Variants in PRKD2 observed in about 807,000 individuals in gnomAD.
PRKD2 encodes the protein serine/threonine-protein kinase D2.
A neutral mutation model predicts 86.0 loss-of-function variants in PRKD2; 22 were observed. That is an observed-to-expected ratio of 0.26 (90% CI 0.18 to 0.37). The LOEUF is 0.37. Ranked by LOEUF, PRKD2 falls within the 10% of genes least tolerant of loss-of-function variation. PRKD2 has a pLI of 1.00. For missense variants in PRKD2, 818 were observed against 1,199.2 expected (o/e 0.68, Z 4.70); for synonymous variants, 509 against 510.9 (o/e 1.00, Z 0.05).
rs2053162996 is a variant in PRKD2 at position 46,674,391 on chromosome 19, A to T, written c.*132T>A. 3.1e-6 allele frequency: 3 copies of T among 956,278 alleles called. No homozygotes were observed. The highest frequency in any genetic ancestry group is 4.5e-6 in the Non-Finnish European group (3 of 661,910). The allele number at this position is 956,278 out of a possible 1,614,324, so 59.2% of individuals were successfully genotyped here. A position where few individuals can be genotyped will look rare whatever the true frequency, so the allele number is the denominator to read the frequency against. On this transcript the variant is annotated 3_prime_UTR_variant, in exon 18 of 18. Transcript: ENST00000291281. Reference sequence around the variant, plus strand: ...GGAAACAGGGAGGGGCCTTGGAAATAGCTCCCCCCACCCCACTCCCCACGT... The same window carrying T: ...GGAAACAGGGAGGGGCCTTGGAAATTGCTCCCCCCACCCCACTCCCCACGT...
chr19:46,689,767 G>C, intron 13 of PRKD2, 69 bp from the exon 14 acceptor site: 3 of 1,553,506 alleles, frequency 1.9e-6, no homozygotes, highest in Non-Finnish European at 2.6e-6. Flanking sequence ...GTCAGGTATA[G>C]GAGCAGGAGG....
rs768984462 is a variant in PRKD2, at chr19:46,690,621, C to G, written c.1788G>C (p.Arg596=). The change falls in exon 13 of 18, where the codon CGG becomes CGC. Residue 596 remains arginine (R), a synonymous_variant. Coordinates refer to ENST00000291281, the MANE Select transcript of PRKD2 (RefSeq NM_016457.5). ...TTACCTGCAGAATGGCCACTTCATT[C>G]CGGAGCTGGCTCTCCTGCTTGGTAG... ...RFPTKQESQL[R]NEVAILQSLR... is the part of the protein sequence containing the mutation. 1.9e-6 allele frequency: 3 copies of G among 1,614,204 alleles called. No homozygotes were observed. Among genetic ancestry groups the G allele is most frequent in the Non-Finnish European group, 2.5e-6 (3 of 1,180,026 alleles).
At chr19:46,705,289 T>TC (rs981612507) in intron 3 of PRKD2, among the ~76,000 whole-genome samples, 2 of 151,976 alleles carry the variant, frequency 1.3e-5, no homozygotes, top group African/African-American at 4.8e-5. Flanking sequence ...AGACACCTGT[T>TC]CCCCCTTCTA....
intron 8 of PRKD2, 28 bp from the exon 9 acceptor site, chr19:46,697,262 A>T (rs1488739908): frequency 6.6e-7 from 1 of 1,523,916 alleles, no homozygotes; most frequent in East Asian, 2.3e-5. Flanking sequence ...GAGTCACGTG[A>T]ACCGCCAGAC....
chr19:46,690,049 C>A (rs938551209), intron 13 of PRKD2, among the ~76,000 whole-genome samples: 4 of 152,130 alleles, frequency 2.6e-5, no homozygotes, highest in South Asian at 2.1e-4. Context: ...CCAGAAGGAT[C>A]TTTACATCCT....
chr19:46,707,876 C>T (rs1009794729), intron 3 of PRKD2, among the ~76,000 whole-genome samples: 2 of 152,008 alleles, frequency 1.3e-5, no homozygotes, highest in Non-Finnish European at 2.9e-5. Flanking sequence ...GCGGGTGGAT[C>T]ATTTGAGGTC....
chr19:46,691,668 G>A (rs142656264), intron 12 of PRKD2, 67 bp downstream of exon 12: 8 of 1,499,642 alleles, frequency 5.3e-6, no homozygotes, highest in African/African-American at 1.4e-5. Context: ...CAGAAAGAAA[G>A]GGCTGGAGCC....
At chr19:46,711,682 T>C (rs938847099) in intron 2 of PRKD2, among the ~76,000 whole-genome samples, 6 of 152,150 alleles carry the variant, frequency 3.9e-5, no homozygotes, top group Non-Finnish European at 8.8e-5. Context: ...CGTGAGCCAC[T>C]GCACCCGGCC....
Position 46,678,724 on chromosome 19 carries a change from C to G in PRKD2, c.2071-61G>C, listed in dbSNP as rs2053250819. The G allele has an allele frequency of 6.6e-7, 1 of 1,525,810 alleles. No individual in the cohort carries two copies. The highest frequency in any genetic ancestry group is 1.8e-5 in the Admixed American group (1 of 55,220). 94.5% of individuals were successfully genotyped at this position (1,525,810 alleles called of 1,614,324 possible). A position where few individuals can be genotyped will look rare whatever the true frequency, so the allele number is the denominator to read the frequency against. The stretch of plus-strand genomic sequence containing the variant: ...ATGGAGCCGCACCCACCCCAGCATC[C>G]CCACCACACCACCCTCCATGGTATT... On this transcript the variant is annotated intron_variant, in intron 15 of 17. Transcript: ENST00000291281. This position sits in a 1 kb window ranked among gnomAD's most constrained non-coding sequence, Gnocchi z 5.7.
intron 17 of PRKD2, 139 bp downstream of exon 17, chr19:46,674,894 C>T: frequency 8.6e-7 from 1 of 1,168,444 alleles, no homozygotes; most frequent in Non-Finnish European, 1.2e-6. Flanking sequence ...CCTCTTCCTG[C>T]ACCCAGCCAA....
At chr19:46,674,851 A>G in intron 17 of PRKD2, 116 bp from the exon 18 acceptor site, 1 of 1,251,202 alleles carries the variant, frequency 8.0e-7, no homozygotes, top group Non-Finnish European at 1.1e-6. Context: ...ACCCTCTGCA[A>G]CCCACCCAGC....
In PRKD2 at chr19:46,694,044, G is replaced by T. The variant is rs766780089; in HGVS notation, c.1407C>A (p.Ile469=). ...PPGTNPHCFE[I]VTANATYFVG... is the part of the protein sequence containing the mutation. ...CGAAGTAGGTGGCATTGGCAGTGACGATCTCAAAGCAGTGTGGGTTGGTGC... is the reference window on the plus strand; with the variant it reads ...CGAAGTAGGTGGCATTGGCAGTGACTATCTCAAAGCAGTGTGGGTTGGTGC... The change falls in exon 10 of 18, where the codon ATC becomes ATA. Residue 469 remains isoleucine (I), a synonymous_variant. Transcript: ENST00000291281. 6.2e-7 allele frequency: 1 copy of T among 1,614,166 alleles called. No individual in the cohort carries two copies. The highest frequency in any genetic ancestry group is 1.1e-5 in the South Asian group (1 of 91,088).
At chr19:46,715,097 T>C (rs1315736630) in intron 1 of PRKD2, among the ~76,000 whole-genome samples, 1 of 152,058 alleles carries the variant, frequency 6.6e-6, no homozygotes, top group African/African-American at 2.4e-5. Context: ...GAATTATACA[T>C]TCTAGATTCC....
intron 2 of PRKD2, among the ~76,000 whole-genome samples, chr19:46,711,849 C>G (rs1471846691): frequency 6.6e-6 from 1 of 151,798 alleles, no homozygotes; most frequent in African/African-American, 2.4e-5. Context: ...GGGCGGATCA[C>G]TTGAGGTCAG....
intron 14 of PRKD2, chr19:46,686,087 C>T (rs951299072): frequency 2.6e-5 from 4 of 152,144 alleles, no homozygotes; most frequent in Admixed American, 1.3e-4. Context: ...AACACAGCAA[C>T]GATGGCTCTG....
intron 3 of PRKD2, 82 bp downstream of exon 3, chr19:46,710,825 T>A: frequency 1.4e-6 from 2 of 1,403,846 alleles, no homozygotes; most frequent in Non-Finnish European, 1.9e-6. Flanking sequence ...CTCCCCACGC[T>A]GTCCCCGTGC....
rs1476677646 is a variant in PRKD2 at position 46,689,652 on chromosome 19, G to A, written c.1856C>T (p.Thr619Met). 8 of 1,614,022 alleles carry A rather than the reference G, an allele frequency of 5.0e-6. No homozygotes were observed. The highest frequency in any genetic ancestry group is 2.2e-5 in the East Asian group (1 of 44,886). The change falls in exon 14 of 18, where the codon ACG becomes ATG. Residue 619 changes from threonine (T) to methionine (M), a missense_variant. Thr to Met is a moderately conservative substitution (Grantham distance 81). Coordinates refer to ENST00000291281, the MANE Select transcript of PRKD2 (RefSeq NM_016457.5). ...CATCACCACAAACACTTTCTCAGGC[G>A]TCTCGAACATGCACTCCAGGTTCAC... is the stretch of plus-strand genomic sequence containing the variant. The part of the protein sequence containing the change: ...GIVNLECMFE[T>M]PEKVFVVMEK...
intron 12 of PRKD2, 32 bp from the exon 13 acceptor site, chr19:46,690,738 G>C (rs373533764): frequency 3.1e-6 from 5 of 1,590,734 alleles, no homozygotes; most frequent in Non-Finnish European, 2.6e-6. Context: ...TGGGGGATGA[G>C]AGAGCAAGAC....
chr19:46,712,411 G>A (rs1045402327), intron 2 of PRKD2, among the ~76,000 whole-genome samples: 3 of 149,628 alleles, frequency 2.0e-5, no homozygotes, highest in African/African-American at 7.4e-5. Context: ...TGTGGTAGCA[G>A]GCGCCTGTAA....
Sources: allele counts gnomAD v4.1 joint callset (sites outside exome capture counted in the v4.1 genomes callset), GRCh38; gene constraint gnomAD v4.1.1; non-coding constraint Gnocchi (gnomAD v3.1); transcripts MANE v1.5; gene names NCBI Gene and HGNC (gene_info 2026-07-23, HGNC 2026-07-21).